NUP93: variants seen among roughly 807,000 people sequenced by gnomAD.
The protein encoded by NUP93 is nucleoporin 93.
NUP93 carries 55 observed loss-of-function variants against 107.8 expected under a neutral mutation model. The ratio of observed to expected loss-of-function variants is 0.51; its 90% CI spans 0.41 to 0.64. NUP93 has a LOEUF of 0.64. Ranked by LOEUF, NUP93 falls within the 30% of genes least tolerant of loss-of-function variation. The pLI is 0.00. For synonymous variants in NUP93, 390 were observed against 397.5 expected, an observed-to-expected ratio of 0.98 and a Z score of 0.22; for missense variants, 937 against 1,044.7, an observed-to-expected ratio of 0.90 and a Z score of 1.42.
intron 3 of NUP93, among the ~76,000 whole-genome samples, chr16:56,783,073 T>C (rs1253782955): frequency 6.6e-6 from 1 of 152,222 alleles, no homozygotes; most frequent in African/African-American, 2.4e-5. Context: ...TTGATTAATA[T>C]CAAAGATACA....
chr16:56,779,829 TAAAG>T (rs534357413), intron 3 of NUP93, among the ~76,000 whole-genome samples: 12 of 152,140 alleles, frequency 7.9e-5, no homozygotes, highest in Non-Finnish European at 2.9e-5. Flanking sequence ...TTTCAGTAAA[TAAAG>T]AGGGTTTTCT....
chr16:56,772,979 G>T (rs1217639311), intron 3 of NUP93, among the ~76,000 whole-genome samples: 1 of 152,184 alleles, frequency 6.6e-6, no homozygotes, highest in East Asian at 1.9e-4. Context: ...AGTGGCCAGT[G>T]GTTTACTCAG....
At chr16:56,743,439 A>G (rs751749439) in intron 1 of NUP93, among the ~76,000 whole-genome samples, 4 of 152,048 alleles carry the variant, frequency 2.6e-5, no homozygotes, top group African/African-American at 4.8e-5. Context: ...TACTTTTTTC[A>G]TTTAGTTAAT....
At chr16:56,783,482 A>G (rs1962557483) in intron 3 of NUP93, 1 of 985,442 alleles carries the variant, frequency 1.0e-6, no homozygotes, top group Non-Finnish European at 1.2e-6. Flanking sequence ...TTCTGAGATG[A>G]GACAATGAGA....
intron 4 of NUP93, among the ~76,000 whole-genome samples, chr16:56,800,570 A>G (rs535239216): frequency 7.1e-4 from 108 of 152,294 alleles, no homozygotes; most frequent in African/African-American, 2.4e-3. Context: ...GAGCCAGCCT[A>G]GGGGGAGACC....
chr16:56,771,994 G>A (rs1382203176), intron 3 of NUP93, among the ~76,000 whole-genome samples: 1 of 152,146 alleles, frequency 6.6e-6, no homozygotes, highest in African/African-American at 2.4e-5. Context: ...CACCTTCTCT[G>A]TTCCCTTCCC....
At chr16:56,811,123 C>A (rs780467235) in intron 5 of NUP93, among the ~76,000 whole-genome samples, 3 of 152,106 alleles carry the variant, frequency 2.0e-5, no homozygotes, top group African/African-American at 7.2e-5. Flanking sequence ...GTTGGGTACA[C>A]CTAAGAGGGT....
chr16:56,782,147 G>A (rs1158259077), intron 3 of NUP93: 1 of 985,216 alleles, frequency 1.0e-6, no homozygotes, highest in African/African-American at 1.7e-5. Context: ...CATATAAGAA[G>A]GTTTGGAAGA....
At chr16:56,838,856 C>T (rs1312790715) in intron 18 of NUP93, 96 bp from the exon 19 acceptor site, 3 of 850,726 alleles carry the variant, frequency 3.5e-6, no homozygotes, top group Non-Finnish European at 5.8e-6. Context: ...TGAGCGACCA[C>T]ACCCCACTGT....
intron 2 of NUP93, among the ~76,000 whole-genome samples, chr16:56,757,621 G>T (rs1962049752): frequency 6.6e-6 from 1 of 152,134 alleles, no homozygotes; most frequent in African/African-American, 2.4e-5. Context: ...CCCCAGGTGA[G>T]TAGAAATAAA....
At chr16:56,839,474 T>C in intron 19 of NUP93, 47 bp from the exon 20 acceptor site, 2 of 1,475,852 alleles carry the variant, frequency 1.4e-6, no homozygotes, top group Middle Eastern at 2.0e-4. Context: ...AGAGATGAAA[T>C]GACTGTGATG....
chr16:56,831,661 G>A, intron 10 of NUP93, 181 bp from the exon 11 acceptor site: 2 of 588,656 alleles, frequency 3.4e-6, no homozygotes, highest in South Asian at 2.1e-5. Flanking sequence ...GGTGCAGGTA[G>A]TTGCAAGTCA....
chr16:56,798,446 T>C (rs754298627), intron 3 of NUP93, 30 bp from the exon 4 acceptor site: 1 of 1,596,176 alleles, frequency 6.3e-7, no homozygotes, highest in East Asian at 2.2e-5. Context: ...AAGTTAATTT[T>C]AAGTTGTGTT....
chr16:56,738,308 T>A (rs1961644960), intron 1 of NUP93, among the ~76,000 whole-genome samples: 1 of 152,204 alleles, frequency 6.6e-6, no homozygotes, highest in African/African-American at 2.4e-5. Flanking sequence ...TATCAGAAAG[T>A]TACTATGTGG....
At chr16:56,831,025 C>T (rs977400132) in intron 10 of NUP93, among the ~76,000 whole-genome samples, 2 of 152,182 alleles carry the variant, frequency 1.3e-5, no homozygotes, top group East Asian at 3.9e-4. Flanking sequence ...TTAAAAGTTA[C>T]ACTTGTTAAC....
chr16:56,833,238 C>T lies in NUP93; in HGVS notation c.1369C>T (p.Gln457Ter). 2 of 1,598,224 alleles carry T rather than the reference C, an allele frequency of 1.3e-6. No individual in the cohort carries two copies. The highest frequency in any genetic ancestry group is 1.1e-5 in the South Asian group (1 of 88,506). The change falls in exon 13 of 22, where the codon CAG (glutamine) becomes TAG (stop). Residue 457 changes from glutamine (Q) to a stop codon, truncating the protein, a stop_gained. Coordinates refer to ENST00000308159, the MANE Select transcript of NUP93 (RefSeq NM_014669.5). LOFTEE classifies it high-confidence loss of function. ...AGGCGAGTCCCACTTTACGGTGAACCAGCAACCCTTCCTCTACTTCCAAGT... is the reference window on the plus strand; with the variant it reads ...AGGCGAGTCCCACTTTACGGTGAACTAGCAACCCTTCCTCTACTTCCAAGT... ...DYGESHFTVN[Q>*]QPFLYFQVLF... is the part of the protein sequence containing the mutation.
At chr16:56,768,778 A>G (rs949229510) in intron 3 of NUP93, among the ~76,000 whole-genome samples, 6 of 150,808 alleles carry the variant, frequency 4.0e-5, no homozygotes, top group African/African-American at 1.2e-4. Flanking sequence ...GAGGCAGGAG[A>G]ATGGTGTGAA....
chr16:56,818,772 A>T, intron 6 of NUP93, 34 bp downstream of exon 6: 1 of 1,583,878 alleles, frequency 6.3e-7, no homozygotes, highest in South Asian at 1.1e-5. Flanking sequence ...TAAGCCAGGA[A>T]AATCCTTTGT....
chr16:56,809,613 G>A (rs148410665), intron 5 of NUP93, among the ~76,000 whole-genome samples: 10 of 151,994 alleles, frequency 6.6e-5, no homozygotes, highest in Admixed American at 1.3e-4. Context: ...TAATATGCTC[G>A]TGAGACCCAG....
Sources: gnomAD v4.1 joint callset for allele counts (sites outside exome capture counted in the v4.1 genomes callset) on GRCh38, gnomAD v4.1.1 for gene constraint, MANE v1.5 for transcripts, NCBI Gene and HGNC (gene_info 2026-07-23, HGNC 2026-07-21) for gene names.